ZNF138: variants seen among roughly 807,000 people sequenced by gnomAD.
The protein encoded by ZNF138 is zinc finger protein 138 (clone pHZ-32).
ZNF138 carries 33 observed loss-of-function variants against 33.0 expected under a neutral mutation model. That is an observed-to-expected ratio of 1.00 (90% CI 0.76 to 1.34). The LOEUF is 1.34. ZNF138 is among the 40% of genes most tolerant of loss of function. The pLI is 0.00. For synonymous variants in ZNF138, 139 were observed against 120.4 expected, an observed-to-expected ratio of 1.15 and a Z score of -1.01; for missense variants, 360 against 370.8, an observed-to-expected ratio of 0.97 and a Z score of 0.24.
At chr7:64,834,354 C>CTT (rs1333266999), downstream of ZNF138, among the ~76,000 whole-genome samples, 2 of 152,042 alleles carry the variant, frequency 1.3e-5, no homozygotes, top group Non-Finnish European at 2.9e-5. Context: ...GTAAAAATAT[C>CTT]TAAGGCACTG....
the ZNF138 span, among the ~76,000 whole-genome samples, chr7:64,847,333 T>TATATATATATATATATATATATATA: frequency 3.3e-5 from 3 of 90,936 alleles, no homozygotes; most frequent in African/African-American, 9.2e-5. Context: ...TATATATATA[T>TATATATATATATATATATATATATA]TTTTTTTTTT....
At chr7:64,826,358 C>T (rs1044455457) in intron 3 of ZNF138, among the ~76,000 whole-genome samples, 9 of 151,924 alleles carry the variant, frequency 5.9e-5, no homozygotes, top group African/African-American at 1.9e-4. Context: ...TGTCTCACCA[C>T]AACCTCTGCC....
At chr7:64,845,826 T>A in the ZNF138 span, among the ~76,000 whole-genome samples, 1 of 152,196 alleles carries the variant, frequency 6.6e-6, no homozygotes, top group Admixed American at 6.5e-5. Context: ...ATCTTAGTCC[T>A]TTGTCAGATG....
At chr7:64,840,992 A>G in the ZNF138 span, among the ~76,000 whole-genome samples, 3 of 152,100 alleles carry the variant, frequency 2.0e-5, no homozygotes, top group Non-Finnish European at 4.4e-5. Context: ...AAGCAAATCT[A>G]TACTCTGCTT....
In ZNF138 at chr7:64,832,275, A is replaced by C; in HGVS notation, c.*73A>C. On this transcript the variant is annotated 3_prime_UTR_variant, in exon 4 of 4. Coordinates refer to ENST00000307355, the MANE Select transcript of ZNF138 (RefSeq NM_001271639.2). ...ATGTGAAGAATGTGGCAAAGCCTTT[A>C]ACCAGTTTTCAACCCTTATTACACA... 2.5e-6 allele frequency: 4 copies of C among 1,598,492 alleles called. No homozygotes were observed. The Admixed American group carries it at 5.2e-5, about 21-fold the overall frequency.
In ZNF138 at chr7:64,810,203, C is replaced by T. The variant is rs1739167965; in HGVS notation, c.4-4715C>T. Among the ~76,000 whole-genome samples, 5 of 148,518 alleles carry T rather than the reference C, an allele frequency of 3.4e-5. No homozygotes were observed. In the South Asian group the frequency reaches 1.1e-3, roughly 33 times the overall value. ...GAGTGAACGAGACTCCGTCTGCAATCCCGGCACCTTGGGAGGCCGAGGCTG... is the reference window on the plus strand; with the variant it reads ...GAGTGAACGAGACTCCGTCTGCAATTCCGGCACCTTGGGAGGCCGAGGCTG... On this transcript the variant is annotated intron_variant, in intron 1 of 3. Coordinates refer to ENST00000307355, the MANE Select transcript of ZNF138 (RefSeq NM_001271639.2).
chr7:64,848,776 C>A, the ZNF138 span, among the ~76,000 whole-genome samples: 2 of 144,058 alleles, frequency 1.4e-5, no homozygotes, highest in Non-Finnish European at 3.0e-5. Flanking sequence ...ATGATCTCTG[C>A]GCACTGCAGG....
the ZNF138 span, among the ~76,000 whole-genome samples, chr7:64,849,605 G>A: frequency 1.3e-5 from 2 of 152,022 alleles, no homozygotes; most frequent in African/African-American, 2.4e-5. Flanking sequence ...CTGCTTGGGC[G>A]GGGTTTGCTG....
chr7:64,810,402 G>A (rs1430836579), intron 1 of ZNF138, among the ~76,000 whole-genome samples: 1 of 106,994 alleles, frequency 9.3e-6, no homozygotes, highest in African/African-American at 3.5e-5. Flanking sequence ...CAGCAGTACA[G>A]TCCAGCTTCG....
chr7:64,828,679 T>C (rs73699509), intron 3 of ZNF138, among the ~76,000 whole-genome samples: 2,201 of 152,260 alleles, frequency 0.014, 53 homozygotes, highest in African/African-American at 0.047. Context: ...CATTCTATTT[T>C]ATTAGTCTAC....
chr7:64,820,473 C>T (rs1483669574), intron 3 of ZNF138, among the ~76,000 whole-genome samples: 1 of 151,624 alleles, frequency 6.6e-6, no homozygotes, highest in Non-Finnish European at 1.5e-5. Flanking sequence ...TTTGTGAATA[C>T]TGGTACAATA....
At chr7:64,811,908 A>T (rs920505563) in intron 1 of ZNF138, among the ~76,000 whole-genome samples, 2 of 152,160 alleles carry the variant, frequency 1.3e-5, no homozygotes, top group East Asian at 1.9e-4. Context: ...GTGAGTCCAA[A>T]ATCACCAAGT....
downstream of ZNF138, among the ~76,000 whole-genome samples, chr7:64,837,681 T>C (rs928441211): frequency 6.6e-6 from 1 of 152,132 alleles, no homozygotes; most frequent in African/African-American, 2.4e-5. Flanking sequence ...CTGCGGATGG[T>C]ATGGAGTGTG....
intron 2 of ZNF138, 120 bp from the exon 3 acceptor site, chr7:64,815,456 A>C (rs1004003667): frequency 1.4e-6 from 1 of 724,758 alleles, no homozygotes; most frequent in African/African-American, 1.9e-5. Flanking sequence ...GGATTAATTT[A>C]CTAGAATATT....
intron 1 of ZNF138, among the ~76,000 whole-genome samples, chr7:64,806,669 CCTT>C (rs767421005): frequency 2.6e-5 from 4 of 152,150 alleles, no homozygotes; most frequent in Non-Finnish European, 1.5e-5. Context: ...TGTCTTTATC[CCTT>C]CTTTGAGCTG....
At chr7:64,796,984 A>C (rs1786739939) in intron 1 of ZNF138, among the ~76,000 whole-genome samples, 1 of 151,830 alleles carries the variant, frequency 6.6e-6, no homozygotes, top group East Asian at 1.9e-4. Flanking sequence ...CCATAGGCAG[A>C]GGTTGCAGTG....
intron 1 of ZNF138, among the ~76,000 whole-genome samples, chr7:64,813,526 C>T (rs1000830856): frequency 4.0e-5 from 6 of 151,738 alleles, no homozygotes; most frequent in Non-Finnish European, 7.4e-5. Flanking sequence ...CTCTGCCTCC[C>T]GGGTTGACGC....
intron 3 of ZNF138, among the ~76,000 whole-genome samples, chr7:64,821,638 C>T (rs576385424): frequency 6.6e-6 from 1 of 151,330 alleles, no homozygotes; most frequent in African/African-American, 2.5e-5. Flanking sequence ...CCTCCACCTC[C>T]CGGGTTCAAG....
downstream of ZNF138, among the ~76,000 whole-genome samples, chr7:64,834,110 C>T (rs1335249268): frequency 6.6e-6 from 1 of 152,152 alleles, no homozygotes; most frequent in Non-Finnish European, 1.5e-5. Context: ...GCCTGCCTTA[C>T]TTGTATCACA....
Sources: allele counts gnomAD v4.1 joint callset (sites outside exome capture counted in the v4.1 genomes callset), GRCh38; gene constraint gnomAD v4.1.1; transcripts MANE v1.5; gene names NCBI Gene and HGNC (gene_info 2026-07-23, HGNC 2026-07-21).